Variants in PANK1 observed in about 807,000 individuals in gnomAD.
The protein encoded by PANK1 is pantothenic acid kinase 1.
Under a neutral mutation model 40.1 loss-of-function variants are expected in PANK1, and 18 were observed. The ratio of observed to expected loss-of-function variants is 0.45; its 90% CI spans 0.31 to 0.67. The LOEUF (loss-of-function observed/expected upper bound fraction) is 0.67, where lower values mean the gene tolerates loss of function less well. Ranked by LOEUF, PANK1 falls within the 30% of genes least tolerant of loss-of-function variation. The pLI, the probability that PANK1 is intolerant of heterozygous loss-of-function variation, is 0.06. For synonymous variants in PANK1, 242 were observed against 237.7 expected, an observed-to-expected ratio of 1.02 and a Z score of -0.17; for missense variants, 457 against 599.6, an observed-to-expected ratio of 0.76 and a Z score of 2.48.
intron 5 of PANK1, among the ~76,000 whole-genome samples, chr10:89,590,586 A>G (rs1329831610): frequency 6.6e-6 from 1 of 152,188 alleles, no homozygotes; most frequent in Non-Finnish European, 1.5e-5. Context: ...GCAAAATAAT[A>G]TACATGTGTG....
At chr10:89,594,401 TA>T (rs1271583185) in intron 3 of PANK1, among the ~76,000 whole-genome samples, 3 of 152,200 alleles carry the variant, frequency 2.0e-5, no homozygotes, top group African/African-American at 7.2e-5. Flanking sequence ...CAGCTGAATA[TA>T]AATACCTAGA....
intron 6 of PANK1, among the ~76,000 whole-genome samples, chr10:89,585,840 C>T (rs1370880044): frequency 3.9e-5 from 6 of 152,178 alleles, no homozygotes; most frequent in Non-Finnish European, 2.9e-5. Context: ...AAAGTTGTCT[C>T]TCCATAATAT....
At chr10:89,636,536 C>T (rs977521424) in intron 1 of PANK1, among the ~76,000 whole-genome samples, 3 of 152,028 alleles carry the variant, frequency 2.0e-5, no homozygotes, top group Non-Finnish European at 4.4e-5. Flanking sequence ...ACTGCAACCT[C>T]CACCTCGTGG....
chr10:89,593,679 A>G, intron 4 of PANK1, 134 bp downstream of exon 4: 1 of 700,876 alleles, frequency 1.4e-6, no homozygotes, highest in Non-Finnish European at 2.5e-6. Flanking sequence ...GCAGGAGATC[A>G]AGTCTGAGCT....
intron 1 of PANK1, among the ~76,000 whole-genome samples, chr10:89,637,055 C>A (rs780236885): frequency 1.4e-5 from 2 of 144,586 alleles, no homozygotes; most frequent in Admixed American, 6.9e-5. Context: ...AGACGGGGTT[C>A]CACCGTGTTA....
In PANK1 at chr10:89,593,862, C is replaced by T; in HGVS notation, c.1027G>A (p.Gly343Arg). 6 of 1,613,914 alleles carry T rather than the reference C, an allele frequency of 3.7e-6. No homozygotes were observed. Among genetic ancestry groups the T allele is most frequent in the Non-Finnish European group, 5.1e-6 (6 of 1,179,800 alleles). Residue 343 changes from glycine to arginine, a missense_variant, in exon 4 of 7, where the codon GGA (glycine) becomes AGA (arginine). By Grantham distance (125) the Gly-to-Arg change is moderately radical. Coordinates refer to ENST00000307534, the MANE Select transcript of PANK1 (RefSeq NM_148977.3). ...AGGCCAAATCGTTCATAGTCTCCTC[C>T]GTAAATGTCCTTCACCAGTTTATCA... is the stretch of plus-strand genomic sequence containing the variant. ...NVDKLVKDIY[G>R]GDYERFGLQG...
At position 89,583,370 on chromosome 10, in the gene PANK1, G is replaced by A. The variant is rs962758378; in HGVS notation, c.*1036C>T. On this transcript the variant is annotated 3_prime_UTR_variant, in exon 7 of 7. Transcript: ENST00000307534. ...AAACCTTTAACATTATTAAAGATGT[G>A]TTGTTACAAAGTTCCTAGATATATA... The A allele has an allele frequency of 7.9e-5, 12 of 152,112 alleles. No homozygotes were observed. Among genetic ancestry groups the A allele is most frequent in the African/African-American group, 1.2e-4 (5 of 41,442 alleles). The allele number at this position is 152,112 out of a possible 1,614,324, so 9.4% of individuals were successfully genotyped here. A position where few individuals can be genotyped will look rare whatever the true frequency, so the allele number is the denominator to read the frequency against.
intron 2 of PANK1, among the ~76,000 whole-genome samples, chr10:89,607,800 G>A (rs1033519921): frequency 5.4e-5 from 8 of 149,028 alleles, no homozygotes; most frequent in South Asian, 2.2e-4. Flanking sequence ...TAGACACTGG[G>A]AATAAACACA....
chr10:89,582,193 C>T (rs1348466665), downstream of PANK1: 1 of 152,080 alleles, frequency 6.6e-6, no homozygotes, highest in Non-Finnish European at 1.5e-5. Flanking sequence ...CTAAGCTGGA[C>T]CCAGACTGAA....
chr10:89,593,788 C>T (rs1844482690), intron 4 of PANK1, 25 bp downstream of exon 4: 1 of 1,584,516 alleles, frequency 6.3e-7, no homozygotes, highest in African/African-American at 1.3e-5. Context: ...TTAATCACTA[C>T]TGCTCCTAGC....
In PANK1 at chr10:89,643,906, A is replaced by C. The variant is rs1006715500; in HGVS notation, c.292+694T>G. The C allele has an allele frequency of 2.3e-5, 32 of 1,377,768 alleles. No homozygotes were observed. In the African/African-American group the frequency reaches 3.2e-4, roughly 14 times the overall value. 85.3% of individuals were successfully genotyped at this position (1,377,768 alleles called of 1,614,324 possible). On this transcript the variant is annotated intron_variant, in intron 1 of 6. Transcript: ENST00000307534. ...TGCACTTCGGCTTTCTCCGGTGTAC[A>C]TTACAATTACAAACCCTCAACTCAA...
At chr10:89,610,474 A>AC in intron 2 of PANK1, among the ~76,000 whole-genome samples, 2 of 150,400 alleles carry the variant, frequency 1.3e-5, no homozygotes, top group South Asian at 4.3e-4. Context: ...GAAAAAAAAA[A>AC]ACAAAAACTG....
At chr10:89,616,766 C>A (rs1042979597) in intron 1 of PANK1, among the ~76,000 whole-genome samples, 1 of 151,996 alleles carries the variant, frequency 6.6e-6, no homozygotes, top group Non-Finnish European at 1.5e-5. Context: ...ACTAAAAATA[C>A]GAAAATTGGC....
chr10:89,595,846 A>ATG (rs1278844176), intron 3 of PANK1, among the ~76,000 whole-genome samples: 1 of 87,040 alleles, frequency 1.1e-5, no homozygotes, highest in Non-Finnish European at 2.2e-5. Flanking sequence ...ATATATATAT[A>ATG]TATATATATA....
At chr10:89,607,124 C>T (rs1246641877) in intron 2 of PANK1, among the ~76,000 whole-genome samples, 1 of 152,194 alleles carries the variant, frequency 6.6e-6, no homozygotes, top group East Asian at 1.9e-4. Context: ...TTCACCATGC[C>T]TTTCTCACTA....
In PANK1 at chr10:89,584,368, C is replaced by CT; in HGVS notation, c.*37dup. 7.0e-7 allele frequency: 1 copy of CT among 1,434,886 alleles called. No homozygotes were observed. Among genetic ancestry groups the CT allele is most frequent in the East Asian group, 2.3e-5 (1 of 44,112 alleles). 88.9% of individuals were successfully genotyped at this position (1,434,886 alleles called of 1,614,324 possible). On this transcript the variant is annotated 3_prime_UTR_variant, in exon 7 of 7. Transcript: ENST00000307534. The stretch of plus-strand genomic sequence containing the variant: ...TCTCCAGCAGCAATTTTTTAGTTCT[C>CT]TGTCCTTTTGGGAGGCTGTTTCCTC...
intron 1 of PANK1, 75 bp from the exon 2 acceptor site, chr10:89,612,123 A>T (rs2133964472): frequency 1.7e-6 from 2 of 1,154,064 alleles, no homozygotes; most frequent in Non-Finnish European, 2.5e-6. Flanking sequence ...ATATTAAATA[A>T]GCAAAAGCAG....
At chr10:89,612,494 T>C (rs2133965108) in intron 1 of PANK1, among the ~76,000 whole-genome samples, 1 of 152,360 alleles carries the variant, frequency 6.6e-6, no homozygotes, top group Non-Finnish European at 1.5e-5. Context: ...GAGGAAAAAC[T>C]GACCATGCTG....
At chr10:89,642,963 T>C (rs866571312) in intron 1 of PANK1, among the ~76,000 whole-genome samples, 1 of 152,216 alleles carries the variant, frequency 6.6e-6, no homozygotes, top group East Asian at 1.9e-4. Context: ...CACAGGCAGA[T>C]AGTTACATTT....
Sources: allele counts gnomAD v4.1 joint callset (sites outside exome capture counted in the v4.1 genomes callset), GRCh38; gene constraint gnomAD v4.1.1; transcripts MANE v1.5; gene names NCBI Gene and HGNC (gene_info 2026-07-23, HGNC 2026-07-21).